Variants in SLCO4A1 observed in about 807,000 individuals in gnomAD.
SLCO4A1 encodes the protein solute carrier organic anion transporter family member 4A1.
SLCO4A1 carries 51 observed loss-of-function variants against 64.6 expected under a neutral mutation model. That is an observed-to-expected ratio of 0.79 (90% CI 0.63 to 1.00). The LOEUF (loss-of-function observed/expected upper bound fraction) is 1.00. Among genes scored for constraint, SLCO4A1 ranks in the 50% least tolerant of loss-of-function variants. The pLI is 0.00. For missense variants in SLCO4A1, 919 were observed against 980.5 expected (o/e 0.94, Z 0.84); for synonymous variants, 471 against 444.9 (o/e 1.06, Z -0.74).
At chr20:62,660,603 C>T in intron 4 of SLCO4A1, 70 bp downstream of exon 4, 1 of 1,526,112 alleles carries the variant, frequency 6.6e-7, no homozygotes, top group Non-Finnish European at 9.0e-7. Flanking sequence ...AAGGGGGCAC[C>T]CCGTTTCCTC....
intron 1 of SLCO4A1, among the ~76,000 whole-genome samples, chr20:62,654,299 A>G (rs921660642): frequency 6.6e-6 from 1 of 152,204 alleles, no homozygotes; most frequent in Non-Finnish European, 1.5e-5. Flanking sequence ...TTCTCAGATC[A>G]CTTGTCACAT....
downstream of SLCO4A1, among the ~76,000 whole-genome samples, chr20:62,676,777 A>G (rs920024531): frequency 2.6e-5 from 4 of 152,260 alleles, no homozygotes; most frequent in East Asian, 5.8e-4. Context: ...TGACCCAGCA[A>G]TTCCACACCT....
rs147599151 is a variant in SLCO4A1 at position 62,657,198 on chromosome 20, C to T, written c.744C>T (p.Gly248=). 2,317 of 1,548,758 alleles carry T rather than the reference C, an allele frequency of 1.5e-3. 32 individuals are homozygous for T. The African/African-American group carries it at 0.029, about 19-fold the overall frequency. ...GVGATPLYTL[G]VTYLDENVKS... is the part of the protein sequence containing the mutation. ...GTGCCACACCCCTCTACACGCTGGG[C>T]GTCACCTACCTGGATGAGAACGTCA... Residue 248 remains glycine, a synonymous_variant, in exon 2 of 12, where the codon GGC becomes GGT. Transcript: ENST00000217159.
chr20:62,653,660 A>G (rs974449891), intron 1 of SLCO4A1, among the ~76,000 whole-genome samples: 3 of 152,170 alleles, frequency 2.0e-5, no homozygotes, highest in South Asian at 2.1e-4. Context: ...CTCAACCCCA[A>G]GGTCATCTCT....
At chr20:62,689,711 A>T (rs144537265), downstream of SLCO4A1, among the ~76,000 whole-genome samples, 425 of 152,324 alleles carry the variant, frequency 2.8e-3, 1 homozygote, top group African/African-American at 1.0e-2. Context: ...GGCGACCGCC[A>T]TGCCTTAATA....
At chr20:62,674,932 AG>A (rs1193391569), downstream of SLCO4A1, among the ~76,000 whole-genome samples, 1 of 152,174 alleles carries the variant, frequency 6.6e-6, no homozygotes, top group East Asian at 1.9e-4. Context: ...AATGTGGGTA[AG>A]GCACGTCCGT....
rs1182079751 is a variant in SLCO4A1 at position 62,671,809 on chromosome 20, T to C, written c.2085T>C (p.Ser695=). 6.2e-7 allele frequency: 1 copy of C among 1,613,662 alleles called. No homozygotes were observed. The part of the protein sequence containing the change: ...ACFLYKPLSE[S]SDGLETCLPS... ...TCTTATACAAGCCCCTGTCGGAGTC[T>C]TCAGATGGCCTGGAAACTTGTCTGC... Residue 695 remains serine, a synonymous_variant, in exon 12 of 12, where the codon TCT becomes TCC. Transcript: ENST00000217159.
At position 62,658,861 on chromosome 20, in the gene SLCO4A1, C is replaced by T. The variant is rs946573796; in HGVS notation, c.887+94C>T. 3.5e-5 allele frequency: 39 copies of T among 1,117,036 alleles called. No individual in the cohort carries two copies. The Middle Eastern group carries it at 1.6e-3, about 47-fold the overall frequency. 69.2% of individuals were successfully genotyped at this position (1,117,036 alleles called of 1,614,324 possible). ...CAGCAGGGCCCACTCTGAGTCAGGC[C>T]GGGCGCGGCGCAGGTGCTGGGCACC... On this transcript the variant is annotated intron_variant, in intron 3 of 11. Transcript: ENST00000217159.
intron 3 of SLCO4A1, among the ~76,000 whole-genome samples, chr20:62,659,263 CAG>C (rs776810005): frequency 1.1e-4 from 17 of 152,080 alleles, no homozygotes; most frequent in Non-Finnish European, 1.9e-4. Context: ...CAGAGAGAGA[CAG>C]AGACAGATGG....
chr20:62,680,971 C>T (rs1987798331), intron 2 of SLCO4A1, among the ~76,000 whole-genome samples: 1 of 152,154 alleles, frequency 6.6e-6, no homozygotes, highest in South Asian at 2.1e-4. Context: ...GTGGCATGAA[C>T]ACGCCTCACT....
At position 62,657,125 on chromosome 20, in the gene SLCO4A1, C is replaced by T; in HGVS notation, c.671C>T (p.Ser224Phe). Residue 224 changes from serine to phenylalanine, a missense_variant, in exon 2 of 12, where the codon TCC becomes TTC. Physicochemically the swap from Ser to Phe is radical, Grantham distance 155. Transcript: ENST00000217159. ...AVCADSTSGL[S>F]RYQLVFMLGQ... is the part of the protein sequence containing the mutation. ...TGTGCGGACAGCACCTCGGGCCTGT[C>T]CCGCTACCAGCTGGTCTTCATGCTG... The T allele has an allele frequency of 1.3e-6, 2 of 1,576,896 alleles. No individual in the cohort carries two copies. Among genetic ancestry groups the T allele is most frequent in the Non-Finnish European group, 8.6e-7 (1 of 1,162,858 alleles).
intron 10 of SLCO4A1, 31 bp downstream of exon 10, chr20:62,668,572 G>A (rs1222656025): frequency 3.8e-6 from 6 of 1,572,274 alleles, no homozygotes; most frequent in Non-Finnish European, 5.3e-6. Context: ...GCCATGGTCA[G>A]TTGCACAGTG....
At chr20:62,667,460 G>A in intron 7 of SLCO4A1, 1 of 442,628 alleles carries the variant, frequency 2.3e-6, no homozygotes, top group Non-Finnish European at 4.0e-6. Context: ...TGAATGTGTT[G>A]CCTGTCCAAA....
Position 62,667,500 on chromosome 20 carries a change from A to G in SLCO4A1, c.1473-245A>G, listed in dbSNP as rs1223842324. The G allele has an allele frequency of 1.9e-5, 10 of 527,960 alleles. No homozygotes were observed. The East Asian group carries it at 2.9e-4, about 15-fold the overall frequency. The allele number at this position is 527,960 out of a possible 1,614,324, so 32.7% of individuals were successfully genotyped here. A position where few individuals can be genotyped will look rare whatever the true frequency, so the allele number is the denominator to read the frequency against. On this transcript the variant is annotated intron_variant, in intron 7 of 11. Coordinates refer to ENST00000217159, the MANE Select transcript of SLCO4A1 (RefSeq NM_016354.4). ...AATGAACTAGGGAAAGGGGCTGTGC[A>G]TCAGGCGGACGGTGCTGGGGGGCAT...
chr20:62,671,745 C>G lies in SLCO4A1; in HGVS notation c.2026-5C>G, dbSNP rs988208523. ...ACGAGGTCCAGCGGGCTCCTCTCTC[C>G]CCAGGTGCTGGGCGTCCTCTTCTTT... On this transcript the variant is annotated splice_region_variant and splice_polypyrimidine_tract_variant and intron_variant, in intron 11 of 11. Transcript: ENST00000217159. 17 of 1,612,214 alleles carry G rather than the reference C, an allele frequency of 1.1e-5. No individual in the cohort carries two copies. The Middle Eastern group carries it at 4.9e-4, about 47-fold the overall frequency.
intron 3 of SLCO4A1, 38 bp from the exon 4 acceptor site, chr20:62,660,374 G>A: frequency 6.3e-7 from 1 of 1,592,142 alleles, no homozygotes; most frequent in Non-Finnish European, 8.5e-7. Flanking sequence ...GCACAGGTGG[G>A]CTGCACGCTG....
rs936698727 is a variant in SLCO4A1, at chr20:62,644,484, T to G, written c.-97+1931T>G. Among the ~76,000 whole-genome samples the G allele has an allele frequency of 3.9e-5, 6 of 152,038 alleles. No individual in the cohort carries two copies. The highest frequency in any genetic ancestry group is 8.8e-5 in the Non-Finnish European group (6 of 67,986). ...GGCAGGCAGGGCAGGCTGGGCCAGGTGAAGGGTGGCCAGGTGGATGGACAT... is the reference window on the plus strand; with the variant it reads ...GGCAGGCAGGGCAGGCTGGGCCAGGGGAAGGGTGGCCAGGTGGATGGACAT... On this transcript the variant is annotated intron_variant, in intron 1 of 11. Coordinates refer to ENST00000217159, the MANE Select transcript of SLCO4A1 (RefSeq NM_016354.4). This position sits in a 1 kb window ranked among gnomAD's most constrained non-coding sequence, Gnocchi z 5.4.
Position 62,661,023 on chromosome 20 carries a change from G to GGGCCCCCCCCCCCCCCCC in SLCO4A1, c.1010-41_1010-40insGGCCCCCCCCCCCCCCCC. The stretch of plus-strand genomic sequence containing the variant: ...CTCTCGGAGAAGTCCACCTCCGGGA[G>GGGCCCCCCCCCCCCCCCC]CCCCCAGCCCCCAGCCCCAGCTCAC... On this transcript the variant is annotated intron_variant, in intron 4 of 11. Coordinates refer to ENST00000217159, the MANE Select transcript of SLCO4A1 (RefSeq NM_016354.4). This position sits in a 1 kb window ranked among gnomAD's most constrained non-coding sequence, Gnocchi z 5.2. 1.4e-6 allele frequency: 1 copy of GGGCCCCCCCCCCCCCCCC among 732,788 alleles called. No individual in the cohort carries two copies. The highest frequency in any genetic ancestry group is 1.7e-5 in the African/African-American group (1 of 58,650). The allele number at this position is 732,788 out of a possible 1,614,324, so 45.4% of individuals were successfully genotyped here.
chr20:62,648,011 C>T (rs1003613501), intron 1 of SLCO4A1, among the ~76,000 whole-genome samples: 2 of 152,248 alleles, frequency 1.3e-5, no homozygotes, highest in Non-Finnish European at 1.5e-5. Context: ...CCTAAAATAG[C>T]GGGCACTGAC....
Sources: allele counts gnomAD v4.1 joint callset (sites outside exome capture counted in the v4.1 genomes callset), GRCh38; gene constraint gnomAD v4.1.1; non-coding constraint Gnocchi (gnomAD v3.1); transcripts MANE v1.5; gene names NCBI Gene and HGNC (gene_info 2026-07-23, HGNC 2026-07-21).